Variants in GRID1 observed in about 807,000 individuals in gnomAD.
GRID1 encodes the protein glutamate receptor ionotropic, delta-1.
Under a neutral mutation model 98.0 loss-of-function variants are expected in GRID1, and 28 were observed. The ratio of observed to expected loss-of-function variants is 0.29; its 90% CI spans 0.21 to 0.39. The LOEUF (loss-of-function observed/expected upper bound fraction) is 0.39, where lower values mean the gene tolerates loss of function less well. Ranked by LOEUF, GRID1 falls within the 10% of genes least tolerant of loss-of-function variation. GRID1 has a pLI of 1.00. For synonymous variants in GRID1, 553 were observed against 538.5 expected (o/e 1.03, Z -0.37); for missense variants, 1,111 against 1,340.5 (o/e 0.83, Z 2.67).
intron 8 of GRID1, among the ~76,000 whole-genome samples, chr10:85,751,719 T>C (rs1466198833): frequency 6.6e-6 from 1 of 152,190 alleles, no homozygotes; most frequent in African/African-American, 2.4e-5. Context: ...CATATATGTA[T>C]GGTATGTGGC....
intron 12 of GRID1, among the ~76,000 whole-genome samples, chr10:85,660,513 G>A (rs1840953331): frequency 6.6e-6 from 1 of 152,014 alleles, no homozygotes; most frequent in Admixed American, 6.6e-5. Flanking sequence ...TGACAGCCCT[G>A]GGAGAACAGT....
chr10:85,609,916 A>T (rs1047830939), intron 15 of GRID1, among the ~76,000 whole-genome samples: 3 of 152,224 alleles, frequency 2.0e-5, no homozygotes, highest in African/African-American at 7.2e-5. Context: ...ATTCACCTGC[A>T]TTGGGTAACT....
At chr10:85,705,775 G>A (rs955999086) in intron 12 of GRID1, among the ~76,000 whole-genome samples, 1 of 152,114 alleles carries the variant, frequency 6.6e-6, no homozygotes, top group African/African-American at 2.4e-5. Context: ...CACCACTTGG[G>A]CTTCATCCCT....
At chr10:86,099,049 T>C (rs564661707) in intron 4 of GRID1, among the ~76,000 whole-genome samples, 1 of 152,368 alleles carries the variant, frequency 6.6e-6, no homozygotes, top group African/African-American at 2.4e-5. Context: ...GTAATCCCCA[T>C]TTTACAGAGC....
In GRID1 at chr10:86,365,943, G is replaced by C. The variant is rs1213020048; in HGVS notation, c.79+371C>G. On this transcript the variant is annotated intron_variant, in intron 1 of 15. Transcript: ENST00000327946. The surrounding 1 kb of genome is among the most constrained non-coding windows in gnomAD (Gnocchi z 4.8). ...GCCCTGCCAACTTGGCGAGCCCCCC[G>C]CTGTACCTCCCCCTGCCCCCCGCTG... is the stretch of plus-strand genomic sequence containing the variant. Among the ~76,000 whole-genome samples the C allele has an allele frequency of 6.6e-6, 1 of 151,644 alleles. No homozygotes were observed. Among genetic ancestry groups the C allele is most frequent in the Non-Finnish European group, 1.5e-5 (1 of 67,862 alleles).
At chr10:86,000,920 T>C (rs140398807) in intron 4 of GRID1, among the ~76,000 whole-genome samples, 1 of 120,942 alleles carries the variant, frequency 8.3e-6, no homozygotes, top group East Asian at 2.5e-4. Flanking sequence ...GCACTCTTCA[T>C]AATTACCAAA....
chr10:86,269,046 A>G lies in GRID1; in HGVS notation c.236-62398T>C, dbSNP rs180844532. ...GAAAGCAGACTTGGGTTCAAATCCA[A>G]GCTAAGTCACGTCTGTGACCTTGGA... is the stretch of plus-strand genomic sequence containing the variant. On this transcript the variant is annotated intron_variant, in intron 2 of 15. Transcript: ENST00000327946. Among the ~76,000 whole-genome samples, 6 of 152,304 alleles carry G rather than the reference A, an allele frequency of 3.9e-5. No homozygotes were observed. In the East Asian group the frequency reaches 9.7e-4, roughly 25 times the overall value.
chr10:85,781,131 G>T (rs189898901), intron 8 of GRID1, among the ~76,000 whole-genome samples: 40 of 152,158 alleles, frequency 2.6e-4, no homozygotes, highest in African/African-American at 9.2e-4. Context: ...AACCAGAAGG[G>T]GAAATGAAGT....
At chr10:86,291,163 A>T (rs1272077492) in intron 2 of GRID1, among the ~76,000 whole-genome samples, 2 of 152,344 alleles carry the variant, frequency 1.3e-5, no homozygotes, top group East Asian at 3.9e-4. Context: ...GACAAAGCAG[A>T]GAAGGGGACC....
At position 86,203,532 on chromosome 10, in the gene GRID1, G is replaced by A. The variant is rs529469158; in HGVS notation, c.520+2832C>T. Among the ~76,000 whole-genome samples, 16 of 81,686 alleles carry A rather than the reference G, an allele frequency of 2.0e-4. 2 individuals carry two copies. The highest frequency in any genetic ancestry group is 4.1e-4 in the African/African-American group (14 of 34,382). The allele number at this position is 81,686 out of a possible 152,430, so 53.6% of individuals were successfully genotyped here. Reference sequence around the variant, plus strand: ...AGCCAGGACGAGCACTGGGCACCGGGTTAAAATTTTACAGAAAATGTGTAG... The same window carrying A: ...AGCCAGGACGAGCACTGGGCACCGGATTAAAATTTTACAGAAAATGTGTAG... On this transcript the variant is annotated intron_variant, in intron 3 of 15. Coordinates refer to ENST00000327946, the MANE Select transcript of GRID1 (RefSeq NM_017551.3).
At chr10:85,889,737 A>G (rs1841168177) in intron 5 of GRID1, among the ~76,000 whole-genome samples, 1 of 152,044 alleles carries the variant, frequency 6.6e-6, no homozygotes, top group African/African-American at 2.4e-5. Flanking sequence ...TTATATTTTA[A>G]TTTTTTGAGA....
intron 4 of GRID1, among the ~76,000 whole-genome samples, chr10:85,955,599 G>A (rs1842178449): frequency 6.6e-6 from 1 of 152,150 alleles, no homozygotes; most frequent in Non-Finnish European, 1.5e-5. Flanking sequence ...GTGCTTCCAG[G>A]CCTCCAGCTG....
chr10:86,052,743 A>G (rs1843519615), intron 4 of GRID1, among the ~76,000 whole-genome samples: 1 of 152,254 alleles, frequency 6.6e-6, no homozygotes, highest in South Asian at 2.1e-4. Flanking sequence ...ACTAAAGCAA[A>G]GTGCTAGAGG....
chr10:86,256,547 C>T (rs766109233), intron 2 of GRID1, among the ~76,000 whole-genome samples: 12 of 152,162 alleles, frequency 7.9e-5, no homozygotes, highest in African/African-American at 2.4e-4. Flanking sequence ...CCAAAAGTGA[C>T]GATTGACAGA....
At chr10:85,635,038 A>T (rs1250778832) in intron 13 of GRID1, among the ~76,000 whole-genome samples, 2 of 133,542 alleles carry the variant, frequency 1.5e-5, no homozygotes, top group Admixed American at 8.0e-5. Context: ...AAAAAAAATC[A>T]GATTTAAGAG....
chr10:85,793,621 T>G (rs1842500853), intron 8 of GRID1, among the ~76,000 whole-genome samples: 2 of 152,214 alleles, frequency 1.3e-5, no homozygotes, highest in South Asian at 4.1e-4. Flanking sequence ...CTTCACCATT[T>G]GGCATCTCTG....
chr10:85,847,983 A>G (rs1843022869), intron 8 of GRID1, among the ~76,000 whole-genome samples: 1 of 152,202 alleles, frequency 6.6e-6, no homozygotes, highest in Non-Finnish European at 1.5e-5. Flanking sequence ...TACAATGTGC[A>G]AAGAACCTGA....
At chr10:85,620,688 C>G (rs949476605) in intron 13 of GRID1, among the ~76,000 whole-genome samples, 1 of 152,168 alleles carries the variant, frequency 6.6e-6, no homozygotes, top group Non-Finnish European at 1.5e-5. Context: ...TCTTTTACTG[C>G]CCACATATGA....
chr10:86,249,150 T>C (rs556718605), intron 2 of GRID1, among the ~76,000 whole-genome samples: 1 of 152,328 alleles, frequency 6.6e-6, no homozygotes, highest in South Asian at 2.1e-4. Context: ...CCACGATGCC[T>C]GGAAAGCCAC....
Sources: allele counts gnomAD v4.1 joint callset (sites outside exome capture counted in the v4.1 genomes callset), GRCh38; gene constraint gnomAD v4.1.1; non-coding constraint Gnocchi (gnomAD v3.1); transcripts MANE v1.5; gene names NCBI Gene and HGNC (gene_info 2026-07-23, HGNC 2026-07-21).